The following SH3YL1 variants were observed in gnomAD, a reference collection of about 807,000 sequenced individuals.
The protein encoded by SH3YL1 is SH3 domain-containing YSC84-like protein 1.
A neutral mutation model predicts 45.8 loss-of-function variants in SH3YL1; 41 were observed. The observed-to-expected ratio is 0.89, with a 90% confidence interval of 0.70 to 1.16. The LOEUF is 1.16. SH3YL1 is among the 50% of genes most tolerant of loss of function. The pLI is 0.00. For synonymous variants in SH3YL1, 152 were observed against 151.4 expected (o/e 1.00, Z -0.03); for missense variants, 389 against 409.6 (o/e 0.95, Z 0.43).
intron 4 of SH3YL1, among the ~76,000 whole-genome samples, chr2:239,316 A>G (rs951267693): frequency 2.6e-5 from 4 of 152,210 alleles, no homozygotes; most frequent in African/African-American, 9.7e-5. Context: ...ATAATAGTAC[A>G]AATAATTAAG....
intron 1 of SH3YL1, among the ~76,000 whole-genome samples, chr2:258,423 T>C (rs1034819036): frequency 1.1e-4 from 17 of 152,218 alleles, no homozygotes; most frequent in Non-Finnish European, 2.2e-4. Flanking sequence ...AAATAGGTGT[T>C]TTAAATTGTA....
chr2:233,894 A>C (rs1572152437), intron 5 of SH3YL1, among the ~76,000 whole-genome samples: 1 of 152,202 alleles, frequency 6.6e-6, no homozygotes, highest in East Asian at 1.9e-4. Flanking sequence ...CTTAAGGTGG[A>C]TTTTATGTTC....
chr2:234,272 CCTA>C lies in SH3YL1; in HGVS notation c.292-3_292-1del. The C allele has an allele frequency of 6.2e-7, 1 of 1,603,860 alleles. No individual in the cohort carries two copies. Among genetic ancestry groups the C allele is most frequent in the Non-Finnish European group, 8.5e-7 (1 of 1,175,382 alleles). ...TTCAGAATTATCACCAAGTCTGATACCTAAAGTGTAGAAACCCATGGATTTAAA... is the reference window on the plus strand; with the variant it reads ...TTCAGAATTATCACCAAGTCTGATACAAGTGTAGAAACCCATGGATTTAAA... On this transcript the variant is annotated splice_acceptor_variant and splice_polypyrimidine_tract_variant and intron_variant, in intron 4 of 9. Coordinates refer to ENST00000356150, the MANE Select transcript of SH3YL1 (RefSeq NM_015677.4). LOFTEE classifies it high-confidence loss of function.
At chr2:254,800 G>A (rs994172801) in intron 1 of SH3YL1, among the ~76,000 whole-genome samples, 15 of 152,294 alleles carry the variant, frequency 9.8e-5, no homozygotes, top group South Asian at 2.1e-4. Flanking sequence ...CTCTGCTCAC[G>A]TGAGACAAAT....
chr2:254,742 A>T (rs558664590), intron 1 of SH3YL1, among the ~76,000 whole-genome samples: 2 of 152,346 alleles, frequency 1.3e-5, no homozygotes, highest in African/African-American at 4.8e-5. Flanking sequence ...TCACAATTTG[A>T]TCACAAGGAA....
intron 1 of SH3YL1, among the ~76,000 whole-genome samples, chr2:258,009 T>C (rs1407179845): frequency 6.6e-6 from 1 of 152,202 alleles, no homozygotes; most frequent in Non-Finnish European, 1.5e-5. Flanking sequence ...TTCATTGTTC[T>C]ATGAGTCTGT....
At chr2:241,342 A>C (rs532261745) in intron 4 of SH3YL1, 1 of 152,280 alleles carries the variant, frequency 6.6e-6, no homozygotes, top group Admixed American at 6.5e-5. Context: ...AATTTGAATA[A>C]TAGAAAGTCT....
chr2:221,091 C>A (rs554419260), intron 9 of SH3YL1, among the ~76,000 whole-genome samples: 1 of 152,254 alleles, frequency 6.6e-6, no homozygotes, highest in Admixed American at 6.5e-5. Flanking sequence ...CTACTCCTAT[C>A]CCACATCACA....
At chr2:234,677 A>G (rs1196186084) in intron 4 of SH3YL1, among the ~76,000 whole-genome samples, 1 of 152,002 alleles carries the variant, frequency 6.6e-6, no homozygotes, top group Non-Finnish European at 1.5e-5. Context: ...AAACTTTGTA[A>G]AAGCCAAGCC....
At position 242,099 on chromosome 2, in the gene SH3YL1, T is replaced by C. The variant is rs894055751; in HGVS notation, c.291+5439A>G. Reference sequence around the variant, plus strand: ...AGTCTGTAACTATAGAAATATTATATACTAGACAATAACCGTACAAAAGAG... The same window carrying C: ...AGTCTGTAACTATAGAAATATTATACACTAGACAATAACCGTACAAAAGAG... On this transcript the variant is annotated intron_variant, in intron 4 of 9. Transcript: ENST00000356150. 6.6e-5 allele frequency: 10 copies of C among 152,222 alleles called. 1 individual carries two copies. The South Asian group carries it at 1.2e-3, about 19-fold the overall frequency. The allele number at this position is 152,222 out of a possible 1,614,324, so 9.4% of individuals were successfully genotyped here.
chr2:264,765 C>T, upstream of SH3YL1: 1 of 569,606 alleles, frequency 1.8e-6, no homozygotes. Flanking sequence ...GCGGACCCTC[C>T]CCGCCCGTCC....
At chr2:242,242 T>A (rs571036754) in intron 4 of SH3YL1, 1 of 152,108 alleles carries the variant, frequency 6.6e-6, no homozygotes, top group East Asian at 1.9e-4. Context: ...TATAGCAAGT[T>A]CAATGAGTAA....
At chr2:226,305 C>T (rs1667781387) in intron 8 of SH3YL1, among the ~76,000 whole-genome samples, 1 of 152,092 alleles carries the variant, frequency 6.6e-6, no homozygotes. Flanking sequence ...AAATGACCAA[C>T]AAAACCTATA....
Position 231,046 on chromosome 2 carries a change from C to T in SH3YL1, c.679G>A (p.Ala227Thr). The T allele has an allele frequency of 6.2e-7, 1 of 1,614,120 alleles. No homozygotes were observed. The highest frequency in any genetic ancestry group is 8.5e-7 in the Non-Finnish European group (1 of 1,180,024). Residue 227 changes from alanine (A) to threonine (T), a missense_variant, in exon 7 of 10, where the codon GCA becomes ACA. By Grantham distance (58) the Ala-to-Thr change is moderately conservative. Transcript: ENST00000356150. ...ACAGAAGACTTCCTCTGCTCCCTTG[C>T]TGCTTTTCTTGCATTGATTCGTTGT... ...EGQRINARKA[A>T]REQRKSSAKE... is the part of the protein sequence containing the mutation.
chr2:226,231 G>A (rs7574889), intron 8 of SH3YL1, among the ~76,000 whole-genome samples: 45,764 of 151,942 alleles, frequency 0.3, 7,553 homozygotes, highest in East Asian at 0.59. Context: ...AAACTTTCAT[G>A]GAGTAAAATT....
chr2:235,021 G>C (rs1052381056), intron 4 of SH3YL1, among the ~76,000 whole-genome samples: 15 of 152,142 alleles, frequency 9.9e-5, no homozygotes, highest in African/African-American at 3.1e-4. Flanking sequence ...GGGATTACAG[G>C]CACGTCACCA....
At chr2:231,845 T>A (rs1045386395) in intron 6 of SH3YL1, among the ~76,000 whole-genome samples, 2 of 152,196 alleles carry the variant, frequency 1.3e-5, no homozygotes, top group African/African-American at 4.8e-5. Context: ...GATGAATAGT[T>A]CTGAAAACCT....
chr2:259,676 CA>C (rs1223465547), intron 1 of SH3YL1: 1 of 151,376 alleles, frequency 6.6e-6, no homozygotes, highest in Non-Finnish European at 1.5e-5. Context: ...AAAATCAATT[CA>C]CAAAGAAGAA....
At chr2:225,309 C>T (rs1459423487) in intron 8 of SH3YL1, among the ~76,000 whole-genome samples, 1 of 152,214 alleles carries the variant, frequency 6.6e-6, no homozygotes, top group Non-Finnish European at 1.5e-5. Context: ...ACTGGATTCC[C>T]GTTCTGACGC....
Sources: gnomAD v4.1 joint callset for allele counts (sites outside exome capture counted in the v4.1 genomes callset) on GRCh38, gnomAD v4.1.1 for gene constraint, MANE v1.5 for transcripts, NCBI Gene and HGNC (gene_info 2026-07-23, HGNC 2026-07-21) for gene names.